Variants in ANXA1 observed in about 807,000 individuals in gnomAD.
ANXA1 encodes annexin A1, also known as annexin I (lipocortin I).
A neutral mutation model predicts 47.9 loss-of-function variants in ANXA1; 39 were observed. The ratio of observed to expected loss-of-function variants is 0.81; its 90% CI spans 0.63 to 1.06. The LOEUF (loss-of-function observed/expected upper bound fraction) is 1.06, where lower values mean the gene tolerates loss of function less well. ANXA1 is among the 50% of genes least tolerant of loss of function. ANXA1 has a pLI of 0.00. For missense variants in ANXA1, 446 were observed against 422.7 expected, an observed-to-expected ratio of 1.06 and a Z score of -0.48; for synonymous variants, 146 against 142.5, an observed-to-expected ratio of 1.02 and a Z score of -0.17.
At chr9:73,155,996 C>T (rs12344670) in intron 1 of ANXA1, among the ~76,000 whole-genome samples, 11,456 of 148,504 alleles carry the variant, frequency 0.077, 664 homozygotes, top group African/African-American at 0.15. Flanking sequence ...GTTTTTATAA[C>T]GTTTATTTTG....
At chr9:73,169,289 C>T (rs1204468343) in intron 12 of ANXA1, 135 bp downstream of exon 12, 5 of 956,420 alleles carry the variant, frequency 5.2e-6, no homozygotes, top group Non-Finnish European at 7.1e-6. Flanking sequence ...GTGTATACTT[C>T]ATGAGTAAAT....
chr9:73,159,710 A>C (rs1046917652), intron 4 of ANXA1: 33 of 245,986 alleles, frequency 1.3e-4, no homozygotes, highest in African/African-American at 7.0e-4. Context: ...GTCAATAAAG[A>C]ATATGGTCTG....
chr9:73,154,875 C>A (rs1360807994), intron 1 of ANXA1, among the ~76,000 whole-genome samples: 1 of 152,152 alleles, frequency 6.6e-6, no homozygotes, highest in East Asian at 1.9e-4. Context: ...GGCTATTATT[C>A]CAAGCAAGGG....
chr9:73,167,597 T>A (rs969194465), intron 11 of ANXA1, 42 bp downstream of exon 11: 10 of 1,535,278 alleles, frequency 6.5e-6, no homozygotes, highest in African/African-American at 1.4e-5. Context: ...AGAGGAAGAA[T>A]TATTTGTAGA....
In ANXA1 at chr9:73,164,998, A is replaced by G. The variant is rs878898654; in HGVS notation, c.613-118A>G. 5.8e-6 allele frequency: 4 copies of G among 694,414 alleles called. No individual in the cohort carries two copies. The South Asian group carries it at 8.3e-5, about 14-fold the overall frequency. 43.0% of individuals were successfully genotyped at this position (694,414 alleles called of 1,614,324 possible). A position where few individuals can be genotyped will look rare whatever the true frequency, so the allele number is the denominator to read the frequency against. On this transcript the variant is annotated intron_variant, in intron 8 of 12. Transcript: ENST00000257497. ...AGAACTTGCAATCTTATTGTTGACT[A>G]CTCTGATTGTATTGGGCACAAAGCG...
Position 73,162,849 on chromosome 9 carries a change from T to G in ANXA1, c.543T>G (p.Leu181=), listed in dbSNP as rs1190074444. 1 of 1,612,554 alleles carries G rather than the reference T, an allele frequency of 6.2e-7. No homozygotes were observed. The highest frequency in any genetic ancestry group is 1.7e-5 in the Admixed American group (1 of 59,874). The stretch of plus-strand genomic sequence containing the variant: ...CTGGAGATTTTCGGAACGCTTTGCT[T>G]TCTCTTGCTAAGGTACAACTCAGAT... The part of the protein sequence containing the change: ...DTSGDFRNAL[L]SLAKGDRSED... Residue 181 remains leucine (L), a synonymous_variant, in exon 7 of 13, where the codon CTT becomes CTG. Coordinates refer to ENST00000257497, the MANE Select transcript of ANXA1 (RefSeq NM_000700.3).
Position 73,164,650 on chromosome 9 carries a change from C to A in ANXA1, c.613-466C>A, listed in dbSNP as rs183689389. 1.7e-3 allele frequency among the ~76,000 whole-genome samples: 266 copies of A among 152,150 alleles called. 1 individual carries two copies. Among genetic ancestry groups the A allele is most frequent in the Non-Finnish European group, 3.0e-3 (207 of 67,992 alleles). ...AAATCTGTCATTTAGTAAGGTTGAT[C>A]TATTTGTCTAAGATTATGCAGCTTT... is the stretch of plus-strand genomic sequence containing the variant. On this transcript the variant is annotated intron_variant, in intron 8 of 12. Transcript: ENST00000257497.
chr9:73,160,290 C>T lies in ANXA1; in HGVS notation c.298C>T (p.Leu100Phe). The T allele has an allele frequency of 6.3e-7, 1 of 1,577,276 alleles. No homozygotes were observed. The highest frequency in any genetic ancestry group is 1.2e-5 in the South Asian group (1 of 84,874). Residue 100 changes from leucine to phenylalanine, a missense_variant, in exon 5 of 13, where the codon CTT becomes TTT. By Grantham distance (22) the Leu-to-Phe change is conservative. Transcript: ENST00000257497. ...KPLDETLKKA[L>F]TGHLEEVVLA... The stretch of plus-strand genomic sequence containing the variant: ...CCTGGATGAAACACTGAAGAAAGCC[C>T]TTACAGGTCACCTTGAGGAGGTTGT...
chr9:73,154,475 G>A (rs1192860044), intron 1 of ANXA1: 5 of 776,940 alleles, frequency 6.4e-6, no homozygotes, highest in South Asian at 4.8e-5. Context: ...TTGTTATGTC[G>A]CCCAGGATGG....
At chr9:73,154,569 G>T (rs12238507) in intron 1 of ANXA1, among the ~76,000 whole-genome samples, 11,926 of 152,108 alleles carry the variant, frequency 0.078, 470 homozygotes, top group African/African-American at 0.11. Context: ...CTTCTGAGTA[G>T]ATGGGACTAC....
At chr9:73,166,298 A>T in intron 10 of ANXA1, 106 bp downstream of exon 10, 1 of 783,826 alleles carries the variant, frequency 1.3e-6, no homozygotes, top group Non-Finnish European at 2.0e-6. Flanking sequence ...AAAGAAAACA[A>T]AAAACAATCA....
At chr9:73,159,286 T>C in intron 3 of ANXA1, 43 bp from the exon 4 acceptor site, 1 of 1,443,512 alleles carries the variant, frequency 6.9e-7, no homozygotes, top group Non-Finnish European at 9.7e-7. Context: ...CAATTGATGA[T>C]GAAGAAAATT....
chr9:73,163,435 A>G, intron 7 of ANXA1, 41 bp from the exon 8 acceptor site: 1 of 1,575,580 alleles, frequency 6.3e-7, no homozygotes. Flanking sequence ...ATGCAATTAC[A>G]TGCTAGAGAA....
In ANXA1 at chr9:73,158,613, G is replaced by C; in HGVS notation, c.66+12G>C. ...AGCAGGAATATGTTGTAAGTAGAGT[G>C]ATAATAAAATTATGATTACAATATT... On this transcript the variant is annotated intron_variant, in intron 2 of 12. Coordinates refer to ENST00000257497, the MANE Select transcript of ANXA1 (RefSeq NM_000700.3). The C allele has an allele frequency of 6.2e-7, 1 of 1,611,784 alleles. No individual in the cohort carries two copies. Among genetic ancestry groups the C allele is most frequent in the Admixed American group, 1.7e-5 (1 of 59,952 alleles).
chr9:73,162,687 G>T, intron 6 of ANXA1, 95 bp from the exon 7 acceptor site: 1 of 818,084 alleles, frequency 1.2e-6, no homozygotes. Context: ...TGAACACTGT[G>T]GCACTGTGAA....
At chr9:73,155,671 TG>T (rs1166785108) in intron 1 of ANXA1, among the ~76,000 whole-genome samples, 1 of 152,160 alleles carries the variant, frequency 6.6e-6, no homozygotes, top group East Asian at 1.9e-4. Flanking sequence ...GTGGTGAATT[TG>T]GCTGAATTCA....
chr9:73,166,120 A>G lies in ANXA1; in HGVS notation c.730A>G (p.Ser244Gly). 1 of 1,611,636 alleles carries G rather than the reference A, an allele frequency of 6.2e-7. No individual in the cohort carries two copies. The highest frequency in any genetic ancestry group is 8.5e-7 in the Non-Finnish European group (1 of 1,178,666). Residue 244 changes from serine (S) to glycine (G), a missense_variant, in exon 10 of 13, where the codon AGT (serine) becomes GGT (glycine). Coordinates refer to ENST00000257497, the MANE Select transcript of ANXA1 (RefSeq NM_000700.3). ...RRVFQKYTKY[S>G]KHDMNKVLDL... ...AGTGTTTCAGAAATACACCAAGTAC[A>G]GTAAGCATGACATGAACAAAGTTCT...
chr9:73,161,773 G>A (rs1824147291), intron 6 of ANXA1, among the ~76,000 whole-genome samples: 1 of 152,082 alleles, frequency 6.6e-6, no homozygotes, highest in Non-Finnish European at 1.5e-5. Flanking sequence ...TGGTAATAAT[G>A]ATGATTATTT....
intron 11 of ANXA1, chr9:73,168,453 C>T (rs1236070063): frequency 3.9e-5 from 6 of 152,126 alleles, no homozygotes; most frequent in Non-Finnish European, 8.8e-5. Flanking sequence ...AGAAATGAGC[C>T]AGATGAGGGC....
Sources: gnomAD v4.1 joint callset for allele counts (sites outside exome capture counted in the v4.1 genomes callset) on GRCh38, gnomAD v4.1.1 for gene constraint, MANE v1.5 for transcripts, NCBI Gene and HGNC (gene_info 2026-07-23, HGNC 2026-07-21) for gene names.